The following LRRC40 variants were observed in gnomAD, a reference collection of about 807,000 sequenced individuals.
LRRC40 encodes leucine-rich repeat-containing protein 40.
A neutral mutation model predicts 72.8 loss-of-function variants in LRRC40; 76 were observed. That is an observed-to-expected ratio of 1.04 (90% CI 0.87 to 1.26). The LOEUF is 1.26. LRRC40 is among the 50% of genes most tolerant of loss of function. LRRC40 has a pLI of 0.00. For missense variants in LRRC40, 684 were observed against 698.9 expected (o/e 0.98, Z 0.24); for synonymous variants, 243 against 254.2 (o/e 0.96, Z 0.42).
chr1:70,188,403 T>C (rs1668415416), intron 2 of LRRC40, among the ~76,000 whole-genome samples: 1 of 152,182 alleles, frequency 6.6e-6, no homozygotes, highest in Admixed American at 6.5e-5. Flanking sequence ...TACATATACA[T>C]ATAGACTTGC....
intron 7 of LRRC40, among the ~76,000 whole-genome samples, chr1:70,175,035 G>C (rs1465483388): frequency 6.6e-6 from 1 of 152,014 alleles, no homozygotes; most frequent in Non-Finnish European, 1.5e-5. Flanking sequence ...GGCTTTACAG[G>C]GGAGAAGGGA....
intron 14 of LRRC40, among the ~76,000 whole-genome samples, chr1:70,147,463 T>C (rs1401420567): frequency 1.3e-5 from 2 of 152,170 alleles, no homozygotes; most frequent in Non-Finnish European, 2.9e-5. Flanking sequence ...TCAATGTTAA[T>C]GACACAACAG....
chr1:70,201,612 A>C (rs1668740021), intron 1 of LRRC40, among the ~76,000 whole-genome samples: 1 of 152,336 alleles, frequency 6.6e-6, no homozygotes, highest in African/African-American at 2.4e-5. Context: ...TACAGATGGC[A>C]AATGAGCATA....
At position 70,176,660 on chromosome 1, in the gene LRRC40, T is replaced by C. The variant is rs986441499; in HGVS notation, c.805-678A>G. Among the ~76,000 whole-genome samples the C allele has an allele frequency of 2.6e-5, 4 of 151,948 alleles. No homozygotes were observed. In the East Asian group the frequency reaches 7.7e-4, roughly 29 times the overall value. ...TCAGTTTTTTAAAAAGTTATTGATA[T>C]TATGCAGTTGGTCCTTGAACAACAA... is the stretch of plus-strand genomic sequence containing the variant. On this transcript the variant is annotated intron_variant, in intron 6 of 14. Transcript: ENST00000370952.
chr1:70,176,059 C>T (rs1399218933), intron 6 of LRRC40, 77 bp from the exon 7 acceptor site: 1 of 818,194 alleles, frequency 1.2e-6, no homozygotes, highest in East Asian at 3.0e-5. Flanking sequence ...ATTGTAGGTA[C>T]TCTTAATTTC....
chr1:70,178,758 TC>T, intron 6 of LRRC40, 92 bp downstream of exon 6: 1 of 732,716 alleles, frequency 1.4e-6, no homozygotes, highest in Non-Finnish European at 2.1e-6. Flanking sequence ...TAATACACAC[TC>T]CCAATGTAAA....
chr1:70,170,632 T>C (rs766711927), intron 9 of LRRC40, among the ~76,000 whole-genome samples: 15 of 152,136 alleles, frequency 9.9e-5, no homozygotes, highest in Non-Finnish European at 2.1e-4. Flanking sequence ...ATATGCCTAA[T>C]AGCATCAAAA....
intron 1 of LRRC40, 106 bp from the exon 2 acceptor site, chr1:70,189,379 T>C (rs1668443372): frequency 5.5e-6 from 5 of 913,428 alleles, no homozygotes; most frequent in Admixed American, 2.9e-5. Flanking sequence ...TCCATTTATC[T>C]ATTGAAAAAC....
At chr1:70,188,742 GAAAT>G (rs1668424539) in intron 2 of LRRC40, among the ~76,000 whole-genome samples, 1 of 152,086 alleles carries the variant, frequency 6.6e-6, no homozygotes, top group Non-Finnish European at 1.5e-5. Flanking sequence ...AAGATGAGCA[GAAAT>G]AACCACTTGT....
chr1:70,165,894 A>G (rs1395206933), intron 9 of LRRC40, among the ~76,000 whole-genome samples: 1 of 152,156 alleles, frequency 6.6e-6, no homozygotes, highest in African/African-American at 2.4e-5. Flanking sequence ...ACGTATGTAG[A>G]TTGCTCTTTC....
chr1:70,163,074 C>CT (rs746183714), intron 9 of LRRC40, among the ~76,000 whole-genome samples: 1 of 147,536 alleles, frequency 6.8e-6, no homozygotes, highest in Non-Finnish European at 1.5e-5. Flanking sequence ...TTTTCCTTTC[C>CT]TTTTCTTTTT....
chr1:70,151,148 C>G lies in LRRC40; in HGVS notation c.1497G>C (p.Thr499=). ...EEMESLVRLQ[T]INLSFNRFKM... is the part of the protein sequence containing the mutation. ...CTTACCTATTAAAGGAAAGATTGAT[C>G]GTTTGCAGTCTTACCAGTGATTCCA... Residue 499 remains threonine (T), a synonymous_variant, in exon 13 of 15, where the codon ACG becomes ACC. Coordinates refer to ENST00000370952, the MANE Select transcript of LRRC40 (RefSeq NM_017768.5). 2 of 1,574,392 alleles carry G rather than the reference C, an allele frequency of 1.3e-6. No homozygotes were observed. Among genetic ancestry groups the G allele is most frequent in the Non-Finnish European group, 1.7e-6 (2 of 1,146,258 alleles).
intron 1 of LRRC40, among the ~76,000 whole-genome samples, chr1:70,200,496 T>G (rs1258262104): frequency 1.3e-5 from 2 of 152,150 alleles, no homozygotes; most frequent in South Asian, 4.1e-4. Flanking sequence ...GAATCTACTT[T>G]ACAAATATGA....
intron 1 of LRRC40, among the ~76,000 whole-genome samples, chr1:70,191,288 A>G (rs1407272141): frequency 6.6e-6 from 1 of 152,186 alleles, no homozygotes; most frequent in Non-Finnish European, 1.5e-5. Context: ...ACATTTGTGC[A>G]TGCATTTTTT....
intron 10 of LRRC40, among the ~76,000 whole-genome samples, chr1:70,156,353 G>T (rs1464176252): frequency 6.6e-6 from 1 of 151,916 alleles, no homozygotes; most frequent in African/African-American, 2.4e-5. Flanking sequence ...ATGTGACAAG[G>T]TAGACAGAGC....
chr1:70,186,954 A>T (rs1438893680), intron 3 of LRRC40, among the ~76,000 whole-genome samples: 2 of 152,020 alleles, frequency 1.3e-5, no homozygotes, highest in Non-Finnish European at 2.9e-5. Context: ...AAAAGTTGAG[A>T]CATCAACAAA....
rs1345839399 is a variant in LRRC40, at chr1:70,148,547, T to A, written c.1643A>T (p.Asp548Val). ...TTGTAAGAGGTCATTATTTTGAAGG[T>A]CCAACGTGGTCAGATTTTCCATCAT... ...MKMMENLTTL[D>V]LQNNDLLQIP... The change falls in exon 14 of 15, where the codon GAC (aspartate) becomes GTC (valine). Residue 548 changes from aspartate (D) to valine (V), a missense_variant. By Grantham distance (152) the Asp-to-Val change is radical. Transcript: ENST00000370952. 6.2e-7 allele frequency: 1 copy of A among 1,613,686 alleles called. No individual in the cohort carries two copies. Among genetic ancestry groups the A allele is most frequent in the African/African-American group, 1.3e-5 (1 of 75,034 alleles).
chr1:70,158,686 T>C (rs552638123), intron 10 of LRRC40, among the ~76,000 whole-genome samples: 114 of 152,336 alleles, frequency 7.5e-4, no homozygotes, highest in African/African-American at 2.7e-3. Context: ...ATTACTATGA[T>C]ACATTATTTG....
chr1:70,173,579 T>C, intron 8 of LRRC40, 43 bp downstream of exon 8: 1 of 1,487,808 alleles, frequency 6.7e-7, no homozygotes, highest in Non-Finnish European at 9.3e-7. Context: ...CATATATGTC[T>C]GAATTTCAAT....
Sources: allele counts gnomAD v4.1 joint callset (sites outside exome capture counted in the v4.1 genomes callset), GRCh38; gene constraint gnomAD v4.1.1; transcripts MANE v1.5; gene names NCBI Gene and HGNC (gene_info 2026-07-23, HGNC 2026-07-21).